ADARB2: variants seen among roughly 807,000 people sequenced by gnomAD.
ADARB2 encodes inactive double-stranded RNA-specific editase B2.
Under a neutral mutation model 62.2 loss-of-function variants are expected in ADARB2, and 25 were observed. The observed-to-expected ratio is 0.40, with a 90% CI of 0.29 to 0.56. ADARB2 has a LOEUF of 0.56. ADARB2 is among the 20% of genes least tolerant of loss of function. ADARB2 has a pLI of 0.43. For synonymous variants in ADARB2, 572 were observed against 500.8 expected, an observed-to-expected ratio of 1.14 and a Z score of -1.90; for missense variants, 1,071 against 1,077.4, an observed-to-expected ratio of 0.99 and a Z score of 0.08.
intron 4 of ADARB2, among the ~76,000 whole-genome samples, chr10:1,252,244 C>T (rs978233331): frequency 6.6e-6 from 1 of 152,140 alleles, no homozygotes; most frequent in Non-Finnish European, 1.5e-5. Flanking sequence ...CAAATAGCAT[C>T]AAAGAAATAC....
intron 1 of ADARB2, among the ~76,000 whole-genome samples, chr10:1,515,021 T>A (rs1449341163): frequency 1.3e-5 from 2 of 152,210 alleles, no homozygotes; most frequent in Non-Finnish European, 2.9e-5. Flanking sequence ...GCGTTTACAC[T>A]GGAAGGCCTT....
Position 1,737,186 on chromosome 10 carries a change from C to T in ADARB2, c.-36G>A. ...CAGGCGCGGAGCCCAGAGCCGCCTC[C>T]CTCCTGCACCTGCACCTGCCTCCTT... On this transcript the variant is annotated 5_prime_UTR_variant, in exon 1 of 10. Transcript: ENST00000381312. 4 of 1,591,586 alleles carry T rather than the reference C, an allele frequency of 2.5e-6. No individual in the cohort carries two copies. The highest frequency in any genetic ancestry group is 2.2e-5 in the South Asian group (2 of 90,862).
chr10:1,381,173 TACACACACACAC>T (rs57463053), intron 1 of ADARB2, among the ~76,000 whole-genome samples: 1 of 151,474 alleles, frequency 6.6e-6, no homozygotes, highest in South Asian at 2.1e-4. Flanking sequence ...TTTGTGCATA[TACACACACACAC>T]ACACACACAC....
intron 2 of ADARB2, 128 bp downstream of exon 2, chr10:1,378,946 C>T: frequency 1.4e-6 from 1 of 727,254 alleles, no homozygotes; most frequent in Non-Finnish European, 2.4e-6. Context: ...CAGATACTGT[C>T]TCTCCAGGTA....
chr10:1,372,498 T>C (rs187409135), intron 2 of ADARB2, among the ~76,000 whole-genome samples: 13 of 152,216 alleles, frequency 8.5e-5, no homozygotes, highest in African/African-American at 3.1e-4. Context: ...TGAAATGACC[T>C]ATCAAATGTT....
chr10:1,447,298 T>C (rs1830981904), intron 1 of ADARB2, among the ~76,000 whole-genome samples: 1 of 152,200 alleles, frequency 6.6e-6, no homozygotes, highest in African/African-American at 2.4e-5. Context: ...TTAACCTCTT[T>C]AGGTTTCAGT....
intron 6 of ADARB2, among the ~76,000 whole-genome samples, chr10:1,220,648 GGTT>G (rs1830686940): frequency 1.3e-5 from 2 of 152,114 alleles, no homozygotes; most frequent in Non-Finnish European, 2.9e-5. Context: ...CAGGGAATGT[GGTT>G]GTTGCTGTCC....
intron 1 of ADARB2, among the ~76,000 whole-genome samples, chr10:1,540,357 C>T (rs1832400649): frequency 7.1e-6 from 1 of 141,738 alleles, no homozygotes; most frequent in Non-Finnish European, 1.6e-5. Flanking sequence ...AGCCCCCGCC[C>T]TCCTGGTCTG....
At chr10:1,574,202 C>T (rs533563695) in intron 1 of ADARB2, among the ~76,000 whole-genome samples, 4 of 152,158 alleles carry the variant, frequency 2.6e-5, no homozygotes, top group African/African-American at 7.2e-5. Context: ...GAGCACGGAA[C>T]GGACAGCCTC....
chr10:1,219,055 A>AC (rs775413294), intron 6 of ADARB2, among the ~76,000 whole-genome samples: 1 of 86,506 alleles, frequency 1.2e-5, no homozygotes, highest in East Asian at 2.0e-4. Flanking sequence ...GTCTCAAAAA[A>AC]AAAAAAAAAA....
chr10:1,494,060 G>A (rs1831657233), intron 1 of ADARB2, among the ~76,000 whole-genome samples: 1 of 151,910 alleles, frequency 6.6e-6, no homozygotes, highest in Admixed American at 6.6e-5. Flanking sequence ...CCCATAATAG[G>A]GCATTCTTAT....
chr10:1,188,531 C>G (rs1016748699), intron 8 of ADARB2, among the ~76,000 whole-genome samples: 3 of 151,450 alleles, frequency 2.0e-5, no homozygotes, highest in South Asian at 2.1e-4. Context: ...CTGCTCCCCT[C>G]TGTGTTCTGC....
intron 2 of ADARB2, among the ~76,000 whole-genome samples, chr10:1,371,568 A>G (rs1832372174): frequency 6.6e-6 from 1 of 152,204 alleles, no homozygotes; most frequent in South Asian, 2.1e-4. Flanking sequence ...AACGGCTAAT[A>G]TCCGGAATCT....
chr10:1,715,968 T>C (rs1835011847), intron 1 of ADARB2, among the ~76,000 whole-genome samples: 1 of 152,198 alleles, frequency 6.6e-6, no homozygotes, highest in Admixed American at 6.5e-5. Context: ...GTGCACCCTG[T>C]TCATTCCACA....
At chr10:1,580,461 T>G (rs1308246735) in intron 1 of ADARB2, among the ~76,000 whole-genome samples, 2 of 152,038 alleles carry the variant, frequency 1.3e-5, no homozygotes, top group Non-Finnish European at 2.9e-5. Flanking sequence ...ACTTATCTCT[T>G]CACGGGTCTT....
rs540251522 is a variant in ADARB2 at position 1,481,860 on chromosome 10, A to G, written c.101-102700T>C. On this transcript the variant is annotated intron_variant, in intron 1 of 9. Coordinates refer to ENST00000381312, the MANE Select transcript of ADARB2 (RefSeq NM_018702.4). ...CGACAGAGTGAGACTCCATCTCAAA[A>G]AAAAAAAAAAAGAGAATAGAAAAGA... 2.0e-5 allele frequency among the ~76,000 whole-genome samples: 3 copies of G among 151,496 alleles called. No homozygotes were observed. In the East Asian group the frequency reaches 5.8e-4, roughly 29 times the overall value.
chr10:1,503,355 T>TTA (rs1035883884), intron 1 of ADARB2, among the ~76,000 whole-genome samples: 3 of 150,168 alleles, frequency 2.0e-5, no homozygotes, highest in Non-Finnish European at 4.5e-5. Flanking sequence ...CCCAGCTATT[T>TTA]TTTTTTTTTT....
At chr10:1,640,761 G>A (rs1833971222) in intron 1 of ADARB2, among the ~76,000 whole-genome samples, 1 of 152,150 alleles carries the variant, frequency 6.6e-6, no homozygotes, top group South Asian at 2.1e-4. Flanking sequence ...TATTTTGTTT[G>A]TTTTGTATAT....
intron 1 of ADARB2, among the ~76,000 whole-genome samples, chr10:1,647,802 ATGTG>A (rs138674124): frequency 1.6e-4 from 25 of 151,568 alleles, no homozygotes; most frequent in Admixed American, 1.2e-3. Context: ...GCATGTGTAT[ATGTG>A]TGTGTGTATG....
Sources: allele counts gnomAD v4.1 joint callset (sites outside exome capture counted in the v4.1 genomes callset), GRCh38; gene constraint gnomAD v4.1.1; transcripts MANE v1.5; gene names NCBI Gene and HGNC (gene_info 2026-07-23, HGNC 2026-07-21).